CDH4: variants seen among roughly 807,000 people sequenced by gnomAD.
CDH4 encodes the protein cadherin 4, also known as cadherin-4.
CDH4 carries 33 observed loss-of-function variants against 86.0 expected under a neutral mutation model. The observed-to-expected ratio is 0.38, with a 90% confidence interval of 0.29 to 0.51. The LOEUF is 0.51. Ranked by LOEUF, CDH4 falls within the 20% of genes least tolerant of loss-of-function variation. The pLI, the probability that CDH4 is intolerant of heterozygous loss-of-function variation, is 0.86. For missense variants in CDH4, 1,114 were observed against 1,307.4 expected (o/e 0.85, Z 2.28); for synonymous variants, 555 against 549.4 (o/e 1.01, Z -0.14).
intron 2 of CDH4, among the ~76,000 whole-genome samples, chr20:61,476,381 G>A (rs529822785): frequency 1.3e-5 from 2 of 152,342 alleles, no homozygotes; most frequent in Non-Finnish European, 2.9e-5. Flanking sequence ...GTGCCCGTGT[G>A]TGTGCACGTG....
At position 61,925,406 on chromosome 20, in the gene CDH4, T is replaced by C. The variant is rs115080029; in HGVS notation, c.1771+930T>C. ...AGACGTGACCGCTCTGTGCCTCAGT[T>C]TCCTCCTCTGCCAAGTCGGGGGAGT... On this transcript the variant is annotated intron_variant, in intron 11 of 15. Coordinates refer to ENST00000614565, the MANE Select transcript of CDH4 (RefSeq NM_001794.5). Among the ~76,000 whole-genome samples the C allele has an allele frequency of 1.0e-2, 1,521 of 152,256 alleles. 31 individuals are homozygous for C. The highest frequency in any genetic ancestry group is 0.035 in the African/African-American group (1,453 of 41,534).
intron 11 of CDH4, among the ~76,000 whole-genome samples, chr20:61,927,239 C>T (rs925322400): frequency 6.6e-6 from 1 of 152,130 alleles, no homozygotes; most frequent in African/African-American, 2.4e-5. Flanking sequence ...CAGAACATGC[C>T]GCCACCACCG....
chr20:61,297,696 G>A (rs532602860), intron 2 of CDH4, among the ~76,000 whole-genome samples: 1 of 152,364 alleles, frequency 6.6e-6, no homozygotes, highest in Non-Finnish European at 1.5e-5. Context: ...GAGCAGGCTG[G>A]ATTCTGGAGG....
intron 2 of CDH4, among the ~76,000 whole-genome samples, chr20:61,497,322 A>C (rs962124944): frequency 2.0e-5 from 3 of 151,780 alleles, no homozygotes; most frequent in Non-Finnish European, 4.4e-5. Flanking sequence ...TTCTTGTGTT[A>C]ATTAATTTGT....
chr20:61,852,601 G>A (rs1982776156), intron 5 of CDH4, among the ~76,000 whole-genome samples, 153 bp from the exon 6 acceptor site: 1 of 152,158 alleles, frequency 6.6e-6, no homozygotes, highest in African/African-American at 2.4e-5. Flanking sequence ...CTGAGGCTCA[G>A]AGAATTCCAT....
chr20:61,579,932 TAC>T lies in CDH4; in HGVS notation c.170-163628_170-163627del, dbSNP rs552773637. ...AAATAAGATGGCTAATTAAATTGCA[TAC>T]ACTTTCTGAATTTAAAAAAAAAAGC... On this transcript the variant is annotated intron_variant, in intron 2 of 15. Transcript: ENST00000614565. Among the ~76,000 whole-genome samples the T allele has an allele frequency of 4.0e-3, 598 of 150,144 alleles. 1 individual carries two copies. Among genetic ancestry groups the T allele is most frequent in the Middle Eastern group, 0.017 (5 of 294 alleles).
At chr20:61,420,846 G>A (rs2085173809) in intron 2 of CDH4, among the ~76,000 whole-genome samples, 1 of 152,238 alleles carries the variant, frequency 6.6e-6, no homozygotes, top group African/African-American at 2.4e-5. Flanking sequence ...GGACAGGGGT[G>A]GCCCAGGTGT....
rs545327754 is a variant in CDH4, at chr20:61,319,835, T to A, written c.169+64898T>A. Reference sequence around the variant, plus strand: ...CAGGCGTGGTGTCAGGCACCTGTAGTCCTTAGCTACTCAGGAGGTTGAGGC... The same window carrying A: ...CAGGCGTGGTGTCAGGCACCTGTAGACCTTAGCTACTCAGGAGGTTGAGGC... On this transcript the variant is annotated intron_variant, in intron 2 of 15. Transcript: ENST00000614565. Among the ~76,000 whole-genome samples the A allele has an allele frequency of 1.2e-3, 186 of 151,196 alleles. 1 individual carries two copies. The highest frequency in any genetic ancestry group is 3.5e-3 in the Admixed American group (53 of 15,172).
chr20:61,579,593 G>A lies in CDH4; in HGVS notation c.170-163970G>A, dbSNP rs1049973534. ...TGAGCCACTGCACCTGGCCCAGATG[G>A]AGATCTTAAAGTCTACCCTTTTAGC... is the stretch of plus-strand genomic sequence containing the variant. On this transcript the variant is annotated intron_variant, in intron 2 of 15. Transcript: ENST00000614565. Among the ~76,000 whole-genome samples, 3 of 152,048 alleles carry A rather than the reference G, an allele frequency of 2.0e-5. No homozygotes were observed. The South Asian group carries it at 6.3e-4, about 32-fold the overall frequency.
intron 4 of CDH4, among the ~76,000 whole-genome samples, chr20:61,818,281 G>A (rs1050487160): frequency 2.0e-5 from 3 of 152,182 alleles, no homozygotes; most frequent in African/African-American, 7.2e-5. Flanking sequence ...GCTGGGGTGT[G>A]GGGGAGGCCC....
Position 61,269,308 on chromosome 20 carries a change from C to A in CDH4, c.169+14371C>A, listed in dbSNP as rs1213329460. Among the ~76,000 whole-genome samples, 1 of 152,142 alleles carries A rather than the reference C, an allele frequency of 6.6e-6. No homozygotes were observed. The highest frequency in any genetic ancestry group is 1.5e-5 in the Non-Finnish European group (1 of 68,014). ...TTGATGGGGGGCAGCCTTCAGAGCC[C>A]AACCCTCCACCCCATCCTCTGTATC... On this transcript the variant is annotated intron_variant, in intron 2 of 15. Coordinates refer to ENST00000614565, the MANE Select transcript of CDH4 (RefSeq NM_001794.5). This position sits in a 1 kb window ranked among gnomAD's most constrained non-coding sequence, Gnocchi z 5.3.
chr20:61,736,527 C>T (rs2145932639), intron 2 of CDH4, among the ~76,000 whole-genome samples: 1 of 152,212 alleles, frequency 6.6e-6, no homozygotes, highest in African/African-American at 2.4e-5. Flanking sequence ...CTCAGCTCCA[C>T]TGGCAGTCTC....
At chr20:61,769,798 G>A (rs79364060) in intron 3 of CDH4, among the ~76,000 whole-genome samples, 12,637 of 152,276 alleles carry the variant, frequency 0.083, 641 homozygotes, top group Non-Finnish European at 0.11. Flanking sequence ...TGTGGGCTAT[G>A]TTGGCGTTAT....
chr20:61,308,989 C>T (rs2084431482), intron 2 of CDH4, among the ~76,000 whole-genome samples: 1 of 152,246 alleles, frequency 6.6e-6, no homozygotes, highest in East Asian at 1.9e-4. Flanking sequence ...CACTTCCTGA[C>T]AGACCTCAGT....
At chr20:61,298,538 C>A (rs553995795) in intron 2 of CDH4, among the ~76,000 whole-genome samples, 1 of 152,218 alleles carries the variant, frequency 6.6e-6, no homozygotes, top group Non-Finnish European at 1.5e-5. Context: ...CAACCACACA[C>A]CCCGTCTGCA....
In CDH4 at chr20:61,938,689, C is replaced by T. The variant is rs891903028; in HGVS notation, c.*1746C>T. ...CCACCAGGGGCCCCGGCCCCCACCT[C>T]AGCCTATGGCCCTTCCCCATGGCTA... On this transcript the variant is annotated 3_prime_UTR_variant, in exon 16 of 16. Coordinates refer to ENST00000614565, the MANE Select transcript of CDH4 (RefSeq NM_001794.5). The T allele has an allele frequency of 1.3e-5, 2 of 152,666 alleles. No individual in the cohort carries two copies. The highest frequency in any genetic ancestry group is 3.4e-3 in the Middle Eastern group (1 of 294). The allele number at this position is 152,666 out of a possible 1,614,324, so 9.5% of individuals were successfully genotyped here.
intron 4 of CDH4, among the ~76,000 whole-genome samples, chr20:61,801,870 C>T (rs1158585614): frequency 6.6e-6 from 1 of 152,252 alleles, no homozygotes; most frequent in Non-Finnish European, 1.5e-5. Flanking sequence ...GGATGGGCCT[C>T]ATCTCAAGAT....
At chr20:61,860,907 G>C (rs1983292994) in intron 6 of CDH4, among the ~76,000 whole-genome samples, 1 of 152,192 alleles carries the variant, frequency 6.6e-6, no homozygotes, top group Non-Finnish European at 1.5e-5. Context: ...TTGTCCCCAG[G>C]GCAGAGAAGT....
chr20:61,780,623 T>C lies in CDH4; in HGVS notation c.576+7441T>C, dbSNP rs111518031. ...AATAATAAATTGGAAGGTCTTTTAG[T>C]AATGGTGGTGTGGTTTATTTCATTC... On this transcript the variant is annotated intron_variant, in intron 4 of 15. Coordinates refer to ENST00000614565, the MANE Select transcript of CDH4 (RefSeq NM_001794.5). Among the ~76,000 whole-genome samples the C allele has an allele frequency of 3.8e-3, 572 of 152,332 alleles. 3 individuals carry two copies. Among genetic ancestry groups the C allele is most frequent in the South Asian group, 7.1e-3 (34 of 4,822 alleles).
Sources: gnomAD v4.1 joint callset for allele counts (sites outside exome capture counted in the v4.1 genomes callset) on GRCh38, gnomAD v4.1.1 for gene constraint, Gnocchi (gnomAD v3.1) non-coding constraint, MANE v1.5 for transcripts, NCBI Gene and HGNC (gene_info 2026-07-23, HGNC 2026-07-21) for gene names.